OSBPL10: variants seen among roughly 807,000 people sequenced by gnomAD.
OSBPL10 encodes the protein oxysterol-binding protein-related protein 10.
A neutral mutation model predicts 81.7 loss-of-function variants in OSBPL10; 49 were observed. That is an observed-to-expected ratio of 0.60 (90% CI 0.48 to 0.76). The LOEUF is 0.76. Ranked by LOEUF, OSBPL10 falls within the 30% of genes least tolerant of loss-of-function variation. OSBPL10 has a pLI of 0.00. For missense variants in OSBPL10, 923 were observed against 987.8 expected, an observed-to-expected ratio of 0.93 and a Z score of 0.88; for synonymous variants, 419 against 383.6, an observed-to-expected ratio of 1.09 and a Z score of -1.08.
In OSBPL10 at chr3:31,776,072, C is replaced by T. The variant is rs577346867; in HGVS notation, c.730-27952G>A. Among the ~76,000 whole-genome samples the T allele has an allele frequency of 8.5e-5, 13 of 152,216 alleles. No homozygotes were observed. The South Asian group carries it at 2.5e-3, about 29-fold the overall frequency. ...GGGAATTCTGGGTTTCCTGTGATGG[C>T]TGCCACCTTCTGATTAAAGAGCATA... is the stretch of plus-strand genomic sequence containing the variant. On this transcript the variant is annotated intron_variant, in intron 4 of 11. Transcript: ENST00000396556.
At chr3:31,830,367 A>G (rs1307436445) in intron 3 of OSBPL10, 136 bp from the exon 4 acceptor site, 4 of 853,924 alleles carry the variant, frequency 4.7e-6, no homozygotes, top group East Asian at 2.8e-5. Context: ...AGGAGGTATA[A>G]CAACACTGCA....
chr3:32,022,294 G>A (rs1316190801), intron 2 of OSBPL10, among the ~76,000 whole-genome samples: 1 of 152,174 alleles, frequency 6.6e-6, no homozygotes, highest in African/African-American at 2.4e-5. Context: ...GTATTGCAGG[G>A]CACCAAACAG....
At chr3:32,036,355 A>T (rs555193166) in intron 2 of OSBPL10, among the ~76,000 whole-genome samples, 5 of 152,320 alleles carry the variant, frequency 3.3e-5, no homozygotes, top group African/African-American at 1.2e-4. Flanking sequence ...GCCAAAAAAA[A>T]TTTAAGAGAA....
chr3:31,780,138 A>G (rs1698651633), intron 4 of OSBPL10, among the ~76,000 whole-genome samples: 1 of 152,122 alleles, frequency 6.6e-6, no homozygotes. Flanking sequence ...TAAAAATACA[A>G]AAAGATTAGC....
intron 1 of OSBPL10, among the ~76,000 whole-genome samples, chr3:31,926,519 T>C (rs979498990): frequency 1.3e-5 from 2 of 152,118 alleles, no homozygotes; most frequent in Non-Finnish European, 2.9e-5. Context: ...ATGAGATTAC[T>C]ATAAATTCTG....
intron 1 of OSBPL10, among the ~76,000 whole-genome samples, chr3:31,897,837 A>G (rs75681357): frequency 6.6e-6 from 1 of 151,542 alleles, no homozygotes; most frequent in Non-Finnish European, 1.5e-5. Flanking sequence ...GTGAAACCCC[A>G]TCTCTACTAA....
At chr3:31,923,644 A>T (rs997301770) in intron 1 of OSBPL10, among the ~76,000 whole-genome samples, 4 of 152,152 alleles carry the variant, frequency 2.6e-5, no homozygotes, top group African/African-American at 7.2e-5. Context: ...TTTTAAAAAT[A>T]GCTGATTTGG....
intron 1 of OSBPL10, among the ~76,000 whole-genome samples, chr3:31,980,198 T>G (rs2125504882): frequency 6.6e-6 from 1 of 152,114 alleles, no homozygotes; most frequent in East Asian, 1.9e-4. Context: ...GAGACGGGTT[T>G]TCACCATGTT....
At chr3:31,783,789 T>TA (rs869137696) in intron 4 of OSBPL10, among the ~76,000 whole-genome samples, 7 of 19,948 alleles carry the variant, frequency 3.5e-4, no homozygotes, top group Non-Finnish European at 4.8e-4. Context: ...AGACTCCGAT[T>TA]AAAAAAAAAA....
intron 3 of OSBPL10, among the ~76,000 whole-genome samples, chr3:31,845,363 G>C (rs1230030817): frequency 1.3e-5 from 2 of 152,144 alleles, no homozygotes; most frequent in African/African-American, 4.8e-5. Flanking sequence ...AAAACTGAGA[G>C]ATACTGGAAG....
chr3:32,017,301 G>A (rs895517476), intron 2 of OSBPL10, among the ~76,000 whole-genome samples: 1 of 152,170 alleles, frequency 6.6e-6, no homozygotes, highest in Non-Finnish European at 1.5e-5. Context: ...AACACCAGCT[G>A]TTTGATCCGA....
intron 4 of OSBPL10, among the ~76,000 whole-genome samples, chr3:31,829,728 G>A (rs180718116): frequency 1.4e-3 from 213 of 152,256 alleles, no homozygotes; most frequent in Non-Finnish European, 2.5e-3. Context: ...TATTATCCAT[G>A]AGGTTTGGCC....
intron 3 of OSBPL10, among the ~76,000 whole-genome samples, chr3:31,844,845 A>G (rs373948742): frequency 1.9e-4 from 29 of 152,328 alleles, no homozygotes; most frequent in African/African-American, 6.5e-4. Context: ...AGGCCAAGGC[A>G]GGAGGATCAC....
chr3:31,981,465 T>G (rs531892501), upstream of OSBPL10, among the ~76,000 whole-genome samples: 11 of 152,246 alleles, frequency 7.2e-5, no homozygotes, highest in African/African-American at 2.4e-4. The surrounding 1 kb of genome is among the most constrained non-coding windows in gnomAD (Gnocchi z 4.5). Context: ...GGTGGCCGGC[T>G]AGGCGAGCCC....
At chr3:31,815,341 T>C (rs1439857083) in intron 4 of OSBPL10, among the ~76,000 whole-genome samples, 1 of 152,222 alleles carries the variant, frequency 6.6e-6, no homozygotes, top group African/African-American at 2.4e-5. Context: ...ATGACTCTTG[T>C]AGTTTTCAGC....
At chr3:31,672,380 GAGGGA>G (rs1700345353) in intron 8 of OSBPL10, among the ~76,000 whole-genome samples, 1 of 101,770 alleles carries the variant, frequency 9.8e-6, no homozygotes. Flanking sequence ...GGGCAGGAGG[GAGGGA>G]GAGGGAGAGG....
At chr3:31,810,413 T>C (rs1466705893) in intron 4 of OSBPL10, among the ~76,000 whole-genome samples, 1 of 151,870 alleles carries the variant, frequency 6.6e-6, no homozygotes, top group East Asian at 1.9e-4. Flanking sequence ...ACAATAATCT[T>C]AGAGTGAAAA....
intron 4 of OSBPL10, among the ~76,000 whole-genome samples, chr3:31,749,101 C>A (rs903328868): frequency 6.6e-6 from 1 of 152,198 alleles, no homozygotes; most frequent in Non-Finnish European, 1.5e-5. Context: ...GTTTTTTAAT[C>A]TTCTCCACAA....
At chr3:31,844,633 G>A (rs1700582346) in intron 3 of OSBPL10, among the ~76,000 whole-genome samples, 3 of 152,220 alleles carry the variant, frequency 2.0e-5, no homozygotes. Context: ...TTGTTGTCAA[G>A]GGCTCAGGGA....
Sources: allele counts gnomAD v4.1 joint callset (sites outside exome capture counted in the v4.1 genomes callset), GRCh38; gene constraint gnomAD v4.1.1; non-coding constraint Gnocchi (gnomAD v3.1); transcripts MANE v1.5; gene names NCBI Gene and HGNC (gene_info 2026-07-23, HGNC 2026-07-21).